The following SOX6 variants were observed in gnomAD, a reference collection of about 807,000 sequenced individuals.
SOX6 encodes transcription factor SOX-6.
In SOX6, 11 loss-of-function variants were observed where a neutral mutation model predicts 97.8. That is an observed-to-expected ratio of 0.11 (90% CI 0.07 to 0.19). The LOEUF (loss-of-function observed/expected upper bound fraction) is 0.19, where lower values mean the gene tolerates loss of function less well. Ranked by LOEUF, SOX6 falls within the 10% of genes least tolerant of loss-of-function variation. The pLI is 1.00. For synonymous variants in SOX6, 360 were observed against 371.4 expected, an observed-to-expected ratio of 0.97 and a Z score of 0.35; for missense variants, 810 against 1,039.5, an observed-to-expected ratio of 0.78 and a Z score of 3.04.
intron 6 of SOX6, among the ~76,000 whole-genome samples, chr11:16,119,421 A>G (rs538894190): frequency 3.3e-4 from 51 of 152,334 alleles, no homozygotes; most frequent in African/African-American, 1.2e-3. Context: ...TGCAGTAGTC[A>G]ACATACTGAA....
chr11:16,509,676 C>T (rs1860847754), intron 4 of SOX6, among the ~76,000 whole-genome samples: 1 of 152,022 alleles, frequency 6.6e-6, no homozygotes, highest in Admixed American at 6.6e-5. Context: ...AGAAAATATA[C>T]TCCCTTTTTA....
intron 3 of SOX6, among the ~76,000 whole-genome samples, chr11:16,302,566 C>CTTTTTTTTTTTTTTTTT (rs71044096): frequency 2.3e-5 from 2 of 86,990 alleles, no homozygotes; most frequent in Admixed American, 1.5e-4. Context: ...TTCTTTTTTT[C>CTTTTTTTTTTTTTTTTT]TTTTTTTTTT....
chr11:16,258,096 G>A (rs1322192320), intron 3 of SOX6, among the ~76,000 whole-genome samples: 3 of 151,906 alleles, frequency 2.0e-5, no homozygotes, highest in East Asian at 3.8e-4. Flanking sequence ...CAGCAGGAAC[G>A]CTCATTCATT....
At chr11:16,433,747 A>G (rs1859315911) in intron 1 of SOX6, among the ~76,000 whole-genome samples, 1 of 152,154 alleles carries the variant, frequency 6.6e-6, no homozygotes, top group Non-Finnish European at 1.5e-5. Flanking sequence ...CTGAGCATCA[A>G]ATAATTAAGC....
At chr11:16,738,049 G>C (rs1281406974) in intron 1 of SOX6, among the ~76,000 whole-genome samples, 1 of 152,016 alleles carries the variant, frequency 6.6e-6, no homozygotes, top group African/African-American at 2.4e-5. Context: ...AAACTTAACA[G>C]ATTTCCCTCA....
intron 3 of SOX6, 124 bp downstream of exon 3, chr11:16,318,322 T>A (rs1283755345): frequency 9.6e-7 from 1 of 1,036,734 alleles, no homozygotes; most frequent in African/African-American, 1.6e-5. Context: ...TCTGAATAAC[T>A]TTTTCCTAGC....
At chr11:16,509,174 C>T (rs539920780) in intron 4 of SOX6, among the ~76,000 whole-genome samples, 2 of 151,652 alleles carry the variant, frequency 1.3e-5, no homozygotes, top group African/African-American at 2.4e-5. Flanking sequence ...TATTTAATTG[C>T]ATTTATTTAA....
intron 3 of SOX6, among the ~76,000 whole-genome samples, chr11:16,633,167 C>T (rs959779860): frequency 5.9e-5 from 9 of 152,210 alleles, no homozygotes; most frequent in African/African-American, 2.2e-4. Flanking sequence ...GGCCCTGCCA[C>T]ACCATGATCT....
intron 3 of SOX6, among the ~76,000 whole-genome samples, chr11:16,667,545 GA>G (rs35883383): frequency 0.33 from 45,298 of 137,996 alleles, 8,084 homozygotes; most frequent in Non-Finnish European, 0.43. Context: ...AGTGCTGAAG[GA>G]AAAAAAAAAA....
At chr11:16,444,900 C>T (rs940194833) in intron 1 of SOX6, among the ~76,000 whole-genome samples, 6 of 152,164 alleles carry the variant, frequency 3.9e-5, no homozygotes, top group Non-Finnish European at 7.4e-5. Context: ...TGCTCACTTT[C>T]GCTCAGCCAG....
chr11:16,379,494 TAAAG>T (rs1172333856), intron 1 of SOX6, among the ~76,000 whole-genome samples: 4 of 151,788 alleles, frequency 2.6e-5, no homozygotes, highest in South Asian at 2.1e-4. Flanking sequence ...TGCAAATAAA[TAAAG>T]AAATATTCCA....
chr11:16,103,235 A>G (rs1848994055), intron 7 of SOX6, among the ~76,000 whole-genome samples: 1 of 152,054 alleles, frequency 6.6e-6, no homozygotes. Flanking sequence ...CAATTTTCAA[A>G]GGAAGATACA....
chr11:16,567,879 T>A (rs935420261), intron 4 of SOX6, among the ~76,000 whole-genome samples: 1 of 112,622 alleles, frequency 8.9e-6, no homozygotes, highest in African/African-American at 3.2e-5. Flanking sequence ...CTGGCCATAT[T>A]TTTTTTTTTT....
chr11:16,139,408 C>A (rs550807873), intron 6 of SOX6, among the ~76,000 whole-genome samples: 1 of 152,098 alleles, frequency 6.6e-6, no homozygotes, highest in East Asian at 1.9e-4. Flanking sequence ...AGAGCTTTCT[C>A]TTCTCTTTTA....
intron 3 of SOX6, among the ~76,000 whole-genome samples, chr11:16,259,137 A>C (rs772836769): frequency 2.0e-5 from 3 of 151,960 alleles, no homozygotes; most frequent in Non-Finnish European, 4.4e-5. Context: ...AGATCATTGG[A>C]TATGAGGCTA....
intron 4 of SOX6, among the ~76,000 whole-genome samples, chr11:16,595,636 A>G (rs1848204709): frequency 6.7e-6 from 1 of 150,346 alleles, no homozygotes; most frequent in South Asian, 2.1e-4. Context: ...TTAGCCAGGC[A>G]TGGTGATGGG....
intron 3 of SOX6, among the ~76,000 whole-genome samples, chr11:16,259,560 T>G (rs181402109): frequency 9.2e-5 from 14 of 152,252 alleles, no homozygotes; most frequent in African/African-American, 3.4e-4. Context: ...TAGCTTGCAT[T>G]GATACAATGG....
chr11:16,311,177 A>T (rs1019166587), intron 3 of SOX6: 1 of 152,106 alleles, frequency 6.6e-6, no homozygotes, highest in African/African-American at 2.4e-5. Context: ...CAAATGCTAA[A>T]TCCCTTAACA....
chr11:16,283,089 G>GTGTATATATATATATATATATATA (rs370335142), intron 3 of SOX6, among the ~76,000 whole-genome samples: 1 of 113,710 alleles, frequency 8.8e-6, no homozygotes, highest in African/African-American at 3.5e-5. Flanking sequence ...TATATAATTT[G>GTGTATATATATATATATATATATA]TATATATATA....
Sources: gnomAD v4.1 joint callset for allele counts (sites outside exome capture counted in the v4.1 genomes callset) on GRCh38, gnomAD v4.1.1 for gene constraint, MANE v1.5 for transcripts, NCBI Gene and HGNC (gene_info 2026-07-23, HGNC 2026-07-21) for gene names.